The following RPS6KC1 variants were observed in gnomAD, a reference collection of about 807,000 sequenced individuals.
RPS6KC1 encodes the protein inactive ribosomal protein S6 kinase delta-1.
RPS6KC1 carries 54 observed loss-of-function variants against 103.8 expected under a neutral mutation model. The ratio of observed to expected loss-of-function variants is 0.52; its 90% CI spans 0.42 to 0.65. The LOEUF (loss-of-function observed/expected upper bound fraction) is 0.65, where lower values mean the gene tolerates loss of function less well. Ranked by LOEUF, RPS6KC1 falls within the 30% of genes least tolerant of loss-of-function variation. RPS6KC1 has a pLI of 0.00. For missense variants in RPS6KC1, 1,151 were observed against 1,253.8 expected (o/e 0.92, Z 1.24); for synonymous variants, 439 against 438.7 (o/e 1.00, Z -0.01).
At chr1:213,318,977 G>A in the RPS6KC1 span, among the ~76,000 whole-genome samples, 2 of 152,294 alleles carry the variant, frequency 1.3e-5, no homozygotes, top group Non-Finnish European at 2.9e-5. Context: ...ACAACTAGCA[G>A]GATAGTTATA....
chr1:213,276,463 CTAAT>C (rs932617351), downstream of RPS6KC1, among the ~76,000 whole-genome samples: 2 of 152,176 alleles, frequency 1.3e-5, no homozygotes, highest in African/African-American at 4.8e-5. Context: ...GTCTCTGTGA[CTAAT>C]TAGCCATGTA....
intron 9 of RPS6KC1, among the ~76,000 whole-genome samples, chr1:213,231,605 T>C (rs1473366372): frequency 1.3e-5 from 2 of 152,192 alleles, no homozygotes; most frequent in African/African-American, 2.4e-5. Flanking sequence ...TACTTTATCA[T>C]TGACATTTCT....
the RPS6KC1 span, among the ~76,000 whole-genome samples, chr1:213,785,752 C>T: frequency 0.36 from 55,071 of 151,912 alleles, 13,461 homozygotes; most frequent in African/African-American, 0.68. Flanking sequence ...TACTAGGAAG[C>T]AATGAAAATC....
At chr1:213,478,692 C>G in the RPS6KC1 span, among the ~76,000 whole-genome samples, 1 of 152,160 alleles carries the variant, frequency 6.6e-6, no homozygotes, top group East Asian at 1.9e-4. Context: ...ATCTTTTGCC[C>G]ATTAAAATAA....
At chr1:213,648,366 C>T in the RPS6KC1 span, among the ~76,000 whole-genome samples, 1 of 152,244 alleles carries the variant, frequency 6.6e-6, no homozygotes, top group South Asian at 2.1e-4. Context: ...CTCTCTAGAC[C>T]AACCACAGAA....
chr1:213,545,411 T>TAAAATAAATA, the RPS6KC1 span, among the ~76,000 whole-genome samples: 1 of 75,256 alleles, frequency 1.3e-5, no homozygotes, highest in Non-Finnish European at 3.1e-5. Context: ...AATAAATAAA[T>TAAAATAAATA]AAATAAAATA....
At chr1:213,561,138 G>T in the RPS6KC1 span, among the ~76,000 whole-genome samples, 1 of 152,100 alleles carries the variant, frequency 6.6e-6, no homozygotes, top group Non-Finnish European at 1.5e-5. Flanking sequence ...TCAAATATAC[G>T]TCTACTCGGG....
At chr1:213,198,776 T>C (rs2093046291) in intron 8 of RPS6KC1, among the ~76,000 whole-genome samples, 1 of 152,064 alleles carries the variant, frequency 6.6e-6, no homozygotes, top group Non-Finnish European at 1.5e-5. Flanking sequence ...GAATAAATTA[T>C]ATCAGTTATC....
the RPS6KC1 span, among the ~76,000 whole-genome samples, chr1:213,399,983 TC>T: frequency 2.9e-4 from 44 of 152,132 alleles, no homozygotes; most frequent in African/African-American, 9.9e-4. Flanking sequence ...ATTGTGTTCT[TC>T]CAATTACAGG....
intron 3 of RPS6KC1, among the ~76,000 whole-genome samples, chr1:213,099,103 G>A (rs1182180996): frequency 6.6e-6 from 1 of 152,164 alleles, no homozygotes; most frequent in Admixed American, 6.5e-5. Flanking sequence ...TATGTTGAAG[G>A]ATACACAAGT....
chr1:213,834,446 T>C, the RPS6KC1 span, among the ~76,000 whole-genome samples: 1 of 152,168 alleles, frequency 6.6e-6, no homozygotes, highest in South Asian at 2.1e-4. Flanking sequence ...TCCAATCCAT[T>C]CCCTTGTTAT....
the RPS6KC1 span, among the ~76,000 whole-genome samples, chr1:213,513,763 A>G: frequency 6.6e-6 from 1 of 152,244 alleles, no homozygotes; most frequent in Admixed American, 6.5e-5. Flanking sequence ...ATCAAAAGCA[A>G]CCATCACAAG....
the RPS6KC1 span, among the ~76,000 whole-genome samples, chr1:213,860,759 G>T: frequency 1.0e-3 from 155 of 152,114 alleles, no homozygotes; most frequent in African/African-American, 3.3e-3. Flanking sequence ...GCCTGGAGTC[G>T]CATGGTGAAG....
At chr1:213,363,837 T>A in the RPS6KC1 span, among the ~76,000 whole-genome samples, 1 of 144,242 alleles carries the variant, frequency 6.9e-6, no homozygotes, top group Non-Finnish European at 1.5e-5. Flanking sequence ...TTTTTTTTTC[T>A]GGTGGCGTGA....
the RPS6KC1 span, among the ~76,000 whole-genome samples, chr1:213,658,254 A>G: frequency 6.6e-6 from 1 of 152,112 alleles, no homozygotes; most frequent in African/African-American, 2.4e-5. Context: ...TGCTTGGGGG[A>G]CCCACTTGTA....
the RPS6KC1 span, among the ~76,000 whole-genome samples, chr1:213,785,745 T>C: frequency 3.9e-5 from 6 of 152,162 alleles, no homozygotes; most frequent in Admixed American, 6.5e-5. Flanking sequence ...CATTACTTAC[T>C]AGGAAGCAAT....
intron 6 of RPS6KC1, among the ~76,000 whole-genome samples, chr1:213,149,166 C>G (rs2088277858): frequency 6.6e-6 from 1 of 151,874 alleles, no homozygotes; most frequent in African/African-American, 2.4e-5. Context: ...TCAGTTCATT[C>G]ATTGCTACTC....
intron 6 of RPS6KC1, among the ~76,000 whole-genome samples, chr1:213,139,186 T>A (rs1026513007): frequency 4.6e-5 from 7 of 152,088 alleles, no homozygotes; most frequent in Admixed American, 3.9e-4. Flanking sequence ...TCCCTGCCCA[T>A]TTTTTAATGG....
chr1:213,218,138 C>G (rs1057236132), intron 8 of RPS6KC1, among the ~76,000 whole-genome samples: 2 of 152,050 alleles, frequency 1.3e-5, no homozygotes, highest in African/African-American at 2.4e-5. Flanking sequence ...TTGTCTCAGC[C>G]CAAAATCTCC....
Sources: allele counts gnomAD v4.1 joint callset (sites outside exome capture counted in the v4.1 genomes callset), GRCh38; gene constraint gnomAD v4.1.1; transcripts MANE v1.5; gene names NCBI Gene and HGNC (gene_info 2026-07-23, HGNC 2026-07-21).